The following RPL11 variants were observed in gnomAD, a reference collection of about 807,000 sequenced individuals.
RPL11 encodes the protein large ribosomal subunit protein uL5.
In RPL11, 3 loss-of-function variants were observed where a neutral mutation model predicts 24.1. The ratio of observed to expected loss-of-function variants is 0.12; its 90% CI spans 0.06 to 0.32. The LOEUF (loss-of-function observed/expected upper bound fraction) is 0.32, where lower values mean the gene tolerates loss of function less well. Among genes scored for constraint, RPL11 ranks in the 10% least tolerant of loss-of-function variants. The pLI is 1.00. For missense variants in RPL11, 146 were observed against 225.7 expected (o/e 0.65, Z 2.26); for synonymous variants, 96 against 75.7 (o/e 1.27, Z -1.39).
At chr1:23,694,943 T>A in intron 4 of RPL11, 152 bp downstream of exon 4, 2 of 1,203,864 alleles carry the variant, frequency 1.7e-6, no homozygotes, top group Non-Finnish European at 1.2e-6. Flanking sequence ...TGTGCCTCAT[T>A]TGTGGCAAAT....
chr1:23,696,690 G>T lies in RPL11; in HGVS notation c.*317G>T. On this transcript the variant is annotated 3_prime_UTR_variant, in exon 6 of 6. Transcript: ENST00000643754. ...GGTTTGAATTTAGAGCCTTGGTTAA[G>T]CAGGGTGCAGTGCTCCTGTGTTCCA... 2.2e-6 allele frequency: 1 copy of T among 456,530 alleles called. No homozygotes were observed. Among genetic ancestry groups the T allele is most frequent in the South Asian group, 2.1e-5 (1 of 47,268 alleles). 28.3% of individuals were successfully genotyped at this position (456,530 alleles called of 1,614,324 possible).
intron 1 of RPL11, chr1:23,692,237 G>T (rs887603034): frequency 2.4e-6 from 1 of 421,710 alleles, no homozygotes; most frequent in East Asian, 5.1e-5. Flanking sequence ...GATGCTGGAC[G>T]TCGCATAACC....
Position 23,692,709 on chromosome 1 carries a change from C to G in RPL11, c.107C>G (p.Ala36Gly). 6.2e-7 allele frequency: 1 copy of G among 1,614,070 alleles called. No individual in the cohort carries two copies. Among genetic ancestry groups the G allele is most frequent in the Non-Finnish European group, 8.5e-7 (1 of 1,180,030 alleles). The change falls in exon 2 of 6, where the codon GCA becomes GGA. Residue 36 changes from alanine (A) to glycine (G), a missense_variant. Coordinates refer to ENST00000643754, the MANE Select transcript of RPL11 (RefSeq NM_000975.5). The stretch of plus-strand genomic sequence containing the variant: ...GAGAGTGGAGACAGACTGACGCGAG[C>G]AGCCAAGGTGTTGGAGCAGCTCACA... ...VGESGDRLTRAAKVLEQLTGQ... is the reference protein window; with the variant it reads ...VGESGDRLTRGAKVLEQLTGQ...
At chr1:23,692,013 C>T in intron 1 of RPL11, 184 bp downstream of exon 1, 2 of 828,198 alleles carry the variant, frequency 2.4e-6, no homozygotes, top group South Asian at 1.5e-5. Context: ...TCCCTGCCAT[C>T]GTTTTAGGAG....
intron 2 of RPL11, among the ~76,000 whole-genome samples, chr1:23,693,486 C>T (rs1204034743): frequency 6.6e-6 from 1 of 152,148 alleles, no homozygotes; most frequent in African/African-American, 2.4e-5. Context: ...GTCAATAATG[C>T]TTTGTTTTCT....
At position 23,696,599 on chromosome 1, in the gene RPL11, C is replaced by G; in HGVS notation, c.*226C>G. The G allele has an allele frequency of 1.6e-6, 1 of 607,820 alleles. No homozygotes were observed. The highest frequency in any genetic ancestry group is 2.9e-6 in the Non-Finnish European group (1 of 339,194). 37.7% of individuals were successfully genotyped at this position (607,820 alleles called of 1,614,324 possible). On this transcript the variant is annotated 3_prime_UTR_variant, in exon 6 of 6. Coordinates refer to ENST00000643754, the MANE Select transcript of RPL11 (RefSeq NM_000975.5). ...CATAGCATTCATTGCCTGTGCTTGC[C>G]ACACCTTGGTTGATGTGCTGTGGTG...
At chr1:23,693,049 G>A (rs1182781773) in intron 2 of RPL11, among the ~76,000 whole-genome samples, 1 of 152,176 alleles carries the variant, frequency 6.6e-6, no homozygotes, top group African/African-American at 2.4e-5. Flanking sequence ...ACGAAGTAAA[G>A]ATCATTAGAT....
chr1:23,692,246 C>T, intron 1 of RPL11: 1 of 420,408 alleles, frequency 2.4e-6, no homozygotes, highest in Non-Finnish European at 4.4e-6. Flanking sequence ...CGTCGCATAA[C>T]CACGTGTTTC....
chr1:23,695,991 C>CT, intron 5 of RPL11, 83 bp downstream of exon 5: 1 of 1,276,518 alleles, frequency 7.8e-7, no homozygotes, highest in Non-Finnish European at 1.1e-6. Context: ...AAATATAGTA[C>CT]TATTTGCTGG....
intron 4 of RPL11, 123 bp from the exon 5 acceptor site, chr1:23,695,675 C>T: frequency 1.1e-6 from 1 of 871,166 alleles, no homozygotes; most frequent in South Asian, 1.4e-5. Context: ...GATCATGGGT[C>T]TTGCTCCAGA....
chr1:23,695,999 T>A, intron 5 of RPL11, 91 bp downstream of exon 5: 1 of 1,220,880 alleles, frequency 8.2e-7, no homozygotes, highest in Non-Finnish European at 1.2e-6. Flanking sequence ...TACTATTTGC[T>A]GGGTATCTTC....
At chr1:23,693,974 T>A in intron 3 of RPL11, 61 bp downstream of exon 3, 1 of 1,191,478 alleles carries the variant, frequency 8.4e-7, no homozygotes, top group Non-Finnish European at 1.3e-6. Context: ...CACATGTAGA[T>A]AAGTTACATT....
chr1:23,691,886 C>A, intron 1 of RPL11, 57 bp downstream of exon 1: 1 of 1,612,530 alleles, frequency 6.2e-7, no homozygotes, highest in Non-Finnish European at 8.5e-7. Context: ...CATGGCAGGC[C>A]GAGCCTGCGG....
rs1329927601 is a variant in RPL11 at position 23,692,386 on chromosome 1, A to G, written c.7-223A>G. ...GTGTCCGTATCTTTTAACACTCAATAACTGTCCTGAGTTTTCTCTTCACCC... is the reference window on the plus strand; with the variant it reads ...GTGTCCGTATCTTTTAACACTCAATGACTGTCCTGAGTTTTCTCTTCACCC... On this transcript the variant is annotated intron_variant, in intron 1 of 5. Transcript: ENST00000643754. 4 of 557,000 alleles carry G rather than the reference A, an allele frequency of 7.2e-6. No homozygotes were observed. In the Admixed American group the frequency reaches 9.0e-5, roughly 13 times the overall value. 34.5% of individuals were successfully genotyped at this position (557,000 alleles called of 1,614,324 possible). A position where few individuals can be genotyped will look rare whatever the true frequency, so the allele number is the denominator to read the frequency against.
At chr1:23,696,115 G>A (rs1644531483) in intron 5 of RPL11, among the ~76,000 whole-genome samples, 1 of 152,196 alleles carries the variant, frequency 6.6e-6, no homozygotes, top group Non-Finnish European at 1.5e-5. Context: ...ATGAATGGGG[G>A]TAGATGGAAG....
intron 1 of RPL11, 145 bp from the exon 2 acceptor site, chr1:23,692,464 C>A: frequency 1.0e-6 from 1 of 999,284 alleles, no homozygotes; most frequent in Non-Finnish European, 1.5e-6. Context: ...CCCTTGATGT[C>A]CCCTAAACAT....
Position 23,695,838 on chromosome 1 carries a change from G to T in RPL11, c.437G>T (p.Arg146Leu), listed in dbSNP as rs770776620. The change falls in exon 5 of 6, where the codon CGC (arginine) becomes CTC (leucine). Residue 146 changes from arginine to leucine, a missense_variant. Transcript: ENST00000643754. ...GGTTTCAGCATCGCAGACAAGAAGC[G>T]CAGGACAGGCTGCATTGGGGCCAAA... Reference protein sequence around the residue: ...RPGFSIADKKRRTGCIGAKHR... With the variant: ...RPGFSIADKKLRTGCIGAKHR... 5.0e-6 allele frequency: 8 copies of T among 1,600,962 alleles called. No homozygotes were observed. The highest frequency in any genetic ancestry group is 2.2e-5 in the East Asian group (1 of 44,648).
chr1:23,695,520 A>G (rs1419965078), intron 4 of RPL11: 3 of 472,156 alleles, frequency 6.4e-6, no homozygotes, highest in Non-Finnish European at 1.2e-5. Flanking sequence ...AGAAAAATGG[A>G]GATTTGGGAG....
intron 1 of RPL11, chr1:23,692,043 G>T: frequency 1.5e-6 from 1 of 663,088 alleles, no homozygotes; most frequent in Non-Finnish European, 2.6e-6. Context: ...GCACTTGCCC[G>T]GAGTGCTCAG....
Sources: allele counts gnomAD v4.1 joint callset (sites outside exome capture counted in the v4.1 genomes callset), GRCh38; gene constraint gnomAD v4.1.1; transcripts MANE v1.5; gene names NCBI Gene and HGNC (gene_info 2026-07-23, HGNC 2026-07-21).